MRPS28: variants seen among roughly 807,000 people sequenced by gnomAD.
MRPS28 encodes small ribosomal subunit protein bS1m.
In MRPS28, 7 loss-of-function variants were observed where a neutral mutation model predicts 10.8. That is an observed-to-expected ratio of 0.65 (90% CI 0.37 to 1.22). MRPS28 has a LOEUF of 1.22. Among genes scored for constraint, MRPS28 ranks in the 50% most tolerant of loss-of-function variants. MRPS28 has a pLI of 0.02. For missense variants in MRPS28, 265 were observed against 232.9 expected (o/e 1.14, Z -0.90); for synonymous variants, 121 against 93.3 (o/e 1.30, Z -1.71).
At chr8:80,024,417 C>A (rs1453744649) in intron 1 of MRPS28, among the ~76,000 whole-genome samples, 3 of 152,154 alleles carry the variant, frequency 2.0e-5, no homozygotes, top group Non-Finnish European at 4.4e-5. Context: ...CATTTAACTT[C>A]GGTTCCCTTT....
Position 80,008,047 on chromosome 8 carries a change from A to T in MRPS28, c.214-4867T>A, listed in dbSNP as rs549787960. 1.7e-4 allele frequency among the ~76,000 whole-genome samples: 26 copies of T among 152,322 alleles called. No individual in the cohort carries two copies. In the South Asian group the frequency reaches 4.3e-3, roughly 25 times the overall value. ...ACGCTACAAGGCTACAGTAACCAAA[A>T]TAGCATGATACTGGTACCAAAACAG... On this transcript the variant is annotated intron_variant, in intron 1 of 2. Transcript: ENST00000276585.
chr8:80,022,912 T>C (rs912883846), intron 1 of MRPS28, among the ~76,000 whole-genome samples: 5 of 152,184 alleles, frequency 3.3e-5, no homozygotes, highest in African/African-American at 7.2e-5. Flanking sequence ...ATGAGTCTGA[T>C]TGGGTATAAT....
At chr8:79,944,353 T>G (rs114560506) in intron 2 of MRPS28, among the ~76,000 whole-genome samples, 57 of 152,274 alleles carry the variant, frequency 3.7e-4, no homozygotes, top group African/African-American at 1.3e-3. Context: ...TCCTGCAAGG[T>G]GTTGGTCAGA....
At chr8:79,924,620 T>A (rs1408838579) in intron 2 of MRPS28, among the ~76,000 whole-genome samples, 1 of 152,206 alleles carries the variant, frequency 6.6e-6, no homozygotes, top group Admixed American at 6.5e-5. Context: ...TAAAGTGATA[T>A]TACATGCAAA....
intron 2 of MRPS28, among the ~76,000 whole-genome samples, chr8:79,943,688 C>T (rs534609161): frequency 6.6e-6 from 1 of 152,272 alleles, no homozygotes; most frequent in African/African-American, 2.4e-5. Context: ...CTAAAAATTG[C>T]AAGCAAGAGT....
At chr8:80,026,977 A>AT (rs1809508458) in intron 1 of MRPS28, among the ~76,000 whole-genome samples, 1 of 152,196 alleles carries the variant, frequency 6.6e-6, no homozygotes, top group African/African-American at 2.4e-5. Flanking sequence ...CAGTACAGAC[A>AT]TATCCCATAC....
intron 2 of MRPS28, among the ~76,000 whole-genome samples, chr8:79,989,653 C>T (rs899672220): frequency 1.3e-5 from 2 of 152,184 alleles, no homozygotes; most frequent in Admixed American, 6.5e-5. Context: ...AAGGCAGGCA[C>T]TCTCACTTAA....
chr8:79,925,038 G>A (rs1419106308), intron 2 of MRPS28, among the ~76,000 whole-genome samples: 2 of 152,034 alleles, frequency 1.3e-5, no homozygotes, highest in African/African-American at 4.8e-5. Flanking sequence ...AAGCACAGAA[G>A]CCAAGATTAA....
At chr8:80,024,215 C>T (rs1809442329) in intron 1 of MRPS28, among the ~76,000 whole-genome samples, 1 of 148,100 alleles carries the variant, frequency 6.8e-6, no homozygotes, top group African/African-American at 2.6e-5. Context: ...AGCAACAGAG[C>T]AAGACCCTGT....
intron 1 of MRPS28, among the ~76,000 whole-genome samples, chr8:80,007,346 C>CT (rs1004946297): frequency 2.0e-4 from 30 of 152,194 alleles, no homozygotes; most frequent in African/African-American, 6.3e-4. Flanking sequence ...GAAGCATTCC[C>CT]TTTAAAAACT....
chr8:79,975,024 C>A (rs185122962), intron 2 of MRPS28, among the ~76,000 whole-genome samples: 1 of 152,132 alleles, frequency 6.6e-6, no homozygotes, highest in African/African-American at 2.4e-5. Context: ...GTAGCTCACA[C>A]GTATAATCCC....
chr8:79,935,583 G>A (rs1362588002), intron 2 of MRPS28, among the ~76,000 whole-genome samples: 3 of 152,144 alleles, frequency 2.0e-5, no homozygotes, highest in Non-Finnish European at 4.4e-5. Context: ...GAAGAGTGTT[G>A]ACTTTAAAGA....
At chr8:80,016,531 C>T (rs752765051) in intron 1 of MRPS28, among the ~76,000 whole-genome samples, 1 of 151,854 alleles carries the variant, frequency 6.6e-6, no homozygotes, top group Non-Finnish European at 1.5e-5. Flanking sequence ...TGCAAGTAGA[C>T]CTGCCTTGCA....
intron 1 of MRPS28, among the ~76,000 whole-genome samples, chr8:80,009,793 G>C (rs975298441): frequency 5.9e-5 from 9 of 152,050 alleles, no homozygotes; most frequent in Non-Finnish European, 1.2e-4. Context: ...GTATGAGCAC[G>C]TGAGGAGGGC....
chr8:80,028,171 C>T (rs1210232001), intron 1 of MRPS28, among the ~76,000 whole-genome samples: 1 of 152,202 alleles, frequency 6.6e-6, no homozygotes, highest in Non-Finnish European at 1.5e-5. Context: ...TTCACTCTTA[C>T]CACAGTTAAC....
At chr8:79,959,143 A>T (rs1252640965) in intron 2 of MRPS28, among the ~76,000 whole-genome samples, 1 of 152,104 alleles carries the variant, frequency 6.6e-6, no homozygotes, top group Admixed American at 6.6e-5. Flanking sequence ...AACTGCAGTA[A>T]AGATTACTGA....
chr8:79,983,821 G>T (rs1186653509), intron 2 of MRPS28, among the ~76,000 whole-genome samples: 1 of 152,218 alleles, frequency 6.6e-6, no homozygotes, highest in African/African-American at 2.4e-5. Flanking sequence ...AAGTGACGGG[G>T]AGAATGGAAC....
At chr8:80,008,154 C>G (rs1479133983) in intron 1 of MRPS28, among the ~76,000 whole-genome samples, 1 of 152,068 alleles carries the variant, frequency 6.6e-6, no homozygotes, top group Admixed American at 6.5e-5. Flanking sequence ...ACAAACCTGA[C>G]AAAAACAAGA....
chr8:79,954,595 C>T (rs186848260), intron 2 of MRPS28, among the ~76,000 whole-genome samples: 257 of 152,300 alleles, frequency 1.7e-3, no homozygotes, highest in African/African-American at 5.3e-3. Flanking sequence ...TTAGTTTTCT[C>T]AGCCTGCTCC....
Sources: allele counts gnomAD v4.1 joint callset (sites outside exome capture counted in the v4.1 genomes callset), GRCh38; gene constraint gnomAD v4.1.1; transcripts MANE v1.5; gene names NCBI Gene and HGNC (gene_info 2026-07-23, HGNC 2026-07-21).